The following RGPD8 variants were observed in gnomAD, a reference collection of about 807,000 sequenced individuals.
RGPD8 encodes the protein RANBP2-like and GRIP domain-containing protein 8.
In RGPD8, 15 loss-of-function variants were observed where a neutral mutation model predicts 89.1. The ratio of observed to expected loss-of-function variants is 0.17; its 90% CI spans 0.11 to 0.26. The LOEUF (loss-of-function observed/expected upper bound fraction) is 0.26. RGPD8 is among the 10% of genes least tolerant of loss of function. The pLI is 1.00. For missense variants in RGPD8, 178 were observed against 1,179.6 expected, an observed-to-expected ratio of 0.15 and a Z score of 12.44; for synonymous variants, 62 against 420.9, an observed-to-expected ratio of 0.15 and a Z score of 10.44.
At chr2:112,413,121 CTTT>C (rs780878782) in intron 6 of RGPD8, among the ~76,000 whole-genome samples, 3 of 125,942 alleles carry the variant, frequency 2.4e-5, no homozygotes, top group Admixed American at 1.5e-4. Flanking sequence ...AATAAATTGT[CTTT>C]TTTTTTTTTT....
In RGPD8 at chr2:112,433,241, C is replaced by G. The variant is rs922144199; in HGVS notation, c.72+141G>C. On this transcript the variant is annotated intron_variant, in intron 1 of 22. Coordinates refer to ENST00000302558, the MANE Select transcript of RGPD8 (RefSeq NM_001164463.1). ...GGCCGCCGCCGGGCCGGGTGGAGGC[C>G]GCCGCCTCAACAGAGCGCGCCAGGG... 3.1e-6 allele frequency: 3 copies of G among 963,534 alleles called. No individual in the cohort carries two copies. The African/African-American group carries it at 5.4e-5, about 17-fold the overall frequency. The allele number at this position is 963,534 out of a possible 1,614,324, so 59.7% of individuals were successfully genotyped here. A position where few individuals can be genotyped will look rare whatever the true frequency, so the allele number is the denominator to read the frequency against.
chr2:112,431,749 G>A (rs1408804777), intron 1 of RGPD8, among the ~76,000 whole-genome samples: 1 of 151,028 alleles, frequency 6.6e-6, no homozygotes, highest in African/African-American at 2.4e-5. Flanking sequence ...CGACTCTCCT[G>A]CCTCAGCCTC....
chr2:112,430,008 T>C (rs563261389), intron 1 of RGPD8, among the ~76,000 whole-genome samples: 1 of 152,266 alleles, frequency 6.6e-6, no homozygotes, highest in South Asian at 2.1e-4. Flanking sequence ...ATTTTCACCA[T>C]ATTGGTCAGG....
intron 1 of RGPD8, 93 bp from the exon 2 acceptor site, chr2:112,424,400 CCATGTTTTATAATTT>C: frequency 9.1e-7 from 1 of 1,095,064 alleles, no homozygotes; most frequent in South Asian, 1.5e-5. Context: ...ATGCATAATT[CCATGTTTTATAATTT>C]CCTACCACAA....
At chr2:112,424,002 T>C (rs1023226199) in intron 2 of RGPD8, among the ~76,000 whole-genome samples, 3 of 152,240 alleles carry the variant, frequency 2.0e-5, no homozygotes, top group African/African-American at 7.2e-5. Flanking sequence ...AAAAGTGTTT[T>C]AAGCCAAACA....
chr2:112,414,977 G>A lies in RGPD8; in HGVS notation c.782+2216C>T, dbSNP rs1210327100. Among the ~76,000 whole-genome samples the A allele has an allele frequency of 9.3e-5, 12 of 128,804 alleles. No individual in the cohort carries two copies. In the East Asian group the frequency reaches 1.6e-3, roughly 17 times the overall value. The allele number at this position is 128,804 out of a possible 152,430, so 84.5% of individuals were successfully genotyped here. ...AGAGCTTGCAGTGAGCCGAGATGGC[G>A]CCACTGCACTCCAGCCTGGGCAACA... On this transcript the variant is annotated intron_variant, in intron 6 of 22. Transcript: ENST00000302558.
At chr2:112,417,090 A>G in intron 6 of RGPD8, 103 bp downstream of exon 6, 2 of 1,604,466 alleles carry the variant, frequency 1.2e-6, no homozygotes, top group East Asian at 2.2e-5. Flanking sequence ...TCCTAGGTAC[A>G]TTATAGAAAT....
chr2:112,433,133 GC>G (rs1419332356), intron 1 of RGPD8, among the ~76,000 whole-genome samples: 1 of 101,128 alleles, frequency 9.9e-6, no homozygotes, highest in African/African-American at 3.4e-5. Flanking sequence ...CGAGGCCGCC[GC>G]CGGGCCGGGT....
At chr2:112,414,892 CACCT>C (rs1278664341) in intron 6 of RGPD8, among the ~76,000 whole-genome samples, 2 of 112,034 alleles carry the variant, frequency 1.8e-5, no homozygotes. Flanking sequence ...TGGTGGCGGG[CACCT>C]GTAGGCCCAG....
intron 1 of RGPD8, among the ~76,000 whole-genome samples, chr2:112,430,870 C>T (rs138165214): frequency 5.3e-5 from 8 of 152,006 alleles, no homozygotes; most frequent in East Asian, 3.9e-4. Context: ...GGTGGGAGGA[C>T]GGATTGAGCC....
At chr2:112,427,051 TC>T (rs1558991243) in intron 1 of RGPD8, among the ~76,000 whole-genome samples, 1 of 152,094 alleles carries the variant, frequency 6.6e-6, no homozygotes, top group Non-Finnish European at 1.5e-5. Flanking sequence ...TTCTTCCGCC[TC>T]CCAAAGTGCT....
chr2:112,433,206 G>A (rs1231351486), intron 1 of RGPD8, among the ~76,000 whole-genome samples, 176 bp downstream of exon 1: 2 of 137,332 alleles, frequency 1.5e-5, no homozygotes, highest in East Asian at 4.2e-4. Flanking sequence ...CATGACCCCT[G>A]ACCCATCGAG....
At chr2:112,409,739 G>A (rs1201328148) in intron 7 of RGPD8, among the ~76,000 whole-genome samples, 3 of 145,170 alleles carry the variant, frequency 2.1e-5, no homozygotes, top group South Asian at 2.1e-4. Context: ...CCAGGAGTTC[G>A]AGGATGCAGT....
chr2:112,424,425 A>C (rs1679672275), intron 1 of RGPD8, 118 bp from the exon 2 acceptor site: 7 of 1,088,986 alleles, frequency 6.4e-6, no homozygotes, highest in Non-Finnish European at 7.7e-6. Flanking sequence ...TCCTACCACA[A>C]AACAAAAAAT....
At chr2:112,385,662 AAATCT>A (rs1440642677) in intron 20 of RGPD8, among the ~76,000 whole-genome samples, 1 of 145,896 alleles carries the variant, frequency 6.9e-6, no homozygotes, top group Non-Finnish European at 1.5e-5. Context: ...GAGTTAAATC[AAATCT>A]ATCAATAAAG....
At chr2:112,376,491 A>G (rs964914628) in intron 22 of RGPD8, among the ~76,000 whole-genome samples, 1 of 112,488 alleles carries the variant, frequency 8.9e-6, no homozygotes, top group Non-Finnish European at 1.9e-5. Context: ...CATTAAAAAT[A>G]TACTTATATA....
intron 1 of RGPD8, among the ~76,000 whole-genome samples, chr2:112,425,618 G>T (rs978032555): frequency 6.6e-6 from 1 of 151,736 alleles, no homozygotes; most frequent in Non-Finnish European, 1.5e-5. Flanking sequence ...AAATTAGCTG[G>T]GCATGGTGGC....
chr2:112,426,963 A>AT (rs1396260611), intron 1 of RGPD8, among the ~76,000 whole-genome samples: 3 of 151,820 alleles, frequency 2.0e-5, no homozygotes, highest in African/African-American at 7.3e-5. Context: ...TGCCCAGCTA[A>AT]TTTTTGTATT....
chr2:112,432,832 C>T (rs1333444942), intron 1 of RGPD8, among the ~76,000 whole-genome samples: 1 of 152,246 alleles, frequency 6.6e-6, no homozygotes, highest in Non-Finnish European at 1.5e-5. Flanking sequence ...CCCCCCAGGA[C>T]TCTTCCTGCG....
Sources: gnomAD v4.1 joint callset for allele counts (sites outside exome capture counted in the v4.1 genomes callset) on GRCh38, gnomAD v4.1.1 for gene constraint, MANE v1.5 for transcripts, NCBI Gene and HGNC (gene_info 2026-07-23, HGNC 2026-07-21) for gene names.